Variants in CD9 observed in about 807,000 individuals in gnomAD.
The protein encoded by CD9 is CD9 molecule.
A neutral mutation model predicts 31.4 loss-of-function variants in CD9; 10 were observed. The ratio of observed to expected loss-of-function variants is 0.32; its 90% CI spans 0.20 to 0.54. The LOEUF (loss-of-function observed/expected upper bound fraction) is 0.54, where lower values mean the gene tolerates loss of function less well. Among genes scored for constraint, CD9 ranks in the 20% least tolerant of loss-of-function variants. The pLI, the probability that CD9 is intolerant of heterozygous loss-of-function variation, is 0.94. For missense variants in CD9, 259 were observed against 300.1 expected, an observed-to-expected ratio of 0.86 and a Z score of 1.01; for synonymous variants, 113 against 114.1, an observed-to-expected ratio of 0.99 and a Z score of 0.06.
chr12:6,237,187 C>T (rs1379882604), intron 7 of CD9, among the ~76,000 whole-genome samples: 1 of 152,136 alleles, frequency 6.6e-6, no homozygotes, highest in Admixed American at 6.5e-5. Flanking sequence ...GTTGGTCAGG[C>T]TGGTCTCGAA....
In CD9 at chr12:6,235,548, G is replaced by A. The variant is rs761000637; in HGVS notation, c.520G>A (p.Glu174Lys). 12 of 1,612,792 alleles carry A rather than the reference G, an allele frequency of 7.4e-6. No individual in the cohort carries two copies. Among genetic ancestry groups the A allele is most frequent in the East Asian group, 2.2e-5 (1 of 44,852 alleles). ...SDICPKKDVL[E>K]TFTVKSCPDA... ...CATCTGCCCCAAGAAGGACGTACTC[G>A]AAACCTTCACCGTGAAGGTAAACTC... Residue 174 changes from glutamate to lysine, a missense_variant, in exon 6 of 8, where the codon GAA becomes AAA. By Grantham distance (56) the Glu-to-Lys change is moderately conservative. Coordinates refer to ENST00000009180, the MANE Select transcript of CD9 (RefSeq NM_001769.4).
In CD9 at chr12:6,235,235, A is replaced by G; in HGVS notation, c.355A>G (p.Lys119Glu). ...WGYSHKDEVI[K>E]EVQEFYKDTY... Reference sequence around the variant, plus strand: ...TCTCGTCTGCCCATTGTAGGTGATTAAGGAAGTCCAGGAGTTTTACAAGGA... The same window carrying G: ...TCTCGTCTGCCCATTGTAGGTGATTGAGGAAGTCCAGGAGTTTTACAAGGA... The change falls in exon 5 of 8, where the codon AAG becomes GAG. Residue 119 changes from lysine (K) to glutamate (E), a missense_variant. By Grantham distance (56) the Lys-to-Glu change is moderately conservative. Transcript: ENST00000009180. 6.2e-7 allele frequency: 1 copy of G among 1,603,864 alleles called. No individual in the cohort carries two copies. The highest frequency in any genetic ancestry group is 8.5e-7 in the Non-Finnish European group (1 of 1,171,154).
At chr12:6,215,433 C>T (rs1175084564) in intron 1 of CD9, among the ~76,000 whole-genome samples, 1 of 152,142 alleles carries the variant, frequency 6.6e-6, no homozygotes, top group East Asian at 1.9e-4. Flanking sequence ...CCGGCCCAGT[C>T]CCACTCCAGT....
intron 2 of CD9, among the ~76,000 whole-genome samples, chr12:6,227,042 C>T (rs1033022672): frequency 1.3e-5 from 2 of 152,208 alleles, no homozygotes; most frequent in African/African-American, 2.4e-5. Flanking sequence ...AGACTCAGTC[C>T]TCCCTTGTCC....
chr12:6,202,424 T>A (rs967614533), intron 1 of CD9, among the ~76,000 whole-genome samples: 2 of 152,176 alleles, frequency 1.3e-5, no homozygotes, highest in African/African-American at 4.8e-5. Context: ...CCCTTGAACT[T>A]TGGGAGTTTT....
chr12:6,216,731 T>C (rs1403453167), intron 1 of CD9, among the ~76,000 whole-genome samples: 1 of 152,064 alleles, frequency 6.6e-6, no homozygotes, highest in Non-Finnish European at 1.5e-5. Flanking sequence ...TACCCAGCGC[T>C]CACACAGACT....
In CD9 at chr12:6,233,422, TC is replaced by T; in HGVS notation, c.286del (p.Leu96SerfsTer3). ...SQCMLGLFFG[F>X]LLVIFAIEIA... ...CTCGTTGCCTTCCAGTTCTTCGGCT[TC>T]CTCTTGGTGATATTCGCCATTGAAA... is the stretch of plus-strand genomic sequence containing the variant. On this transcript the variant is annotated frameshift_variant, in exon 4 of 8. Transcript: ENST00000009180. LOFTEE classifies it high-confidence loss of function. The T allele has an allele frequency of 1.2e-6, 2 of 1,614,034 alleles. No individual in the cohort carries two copies. Among genetic ancestry groups the T allele is most frequent in the Non-Finnish European group, 8.5e-7 (1 of 1,179,878 alleles).
intron 1 of CD9, among the ~76,000 whole-genome samples, chr12:6,212,402 C>T (rs1425795221): frequency 6.6e-6 from 1 of 152,218 alleles, no homozygotes; most frequent in Non-Finnish European, 1.5e-5. Context: ...CATTGCATTA[C>T]TGTTGCTCCC....
chr12:6,224,087 A>G (rs1946329964), intron 1 of CD9, among the ~76,000 whole-genome samples: 1 of 152,178 alleles, frequency 6.6e-6, no homozygotes, highest in Admixed American at 6.5e-5. Context: ...GCTGAGTGAC[A>G]GTCCACAGGC....
At chr12:6,222,366 T>C (rs1362455831) in intron 1 of CD9, among the ~76,000 whole-genome samples, 1 of 152,256 alleles carries the variant, frequency 6.6e-6, no homozygotes. Context: ...TTCTCTGGGT[T>C]ACTTGAACCT....
At chr12:6,218,359 A>G (rs963184307) in intron 1 of CD9, among the ~76,000 whole-genome samples, 3 of 152,244 alleles carry the variant, frequency 2.0e-5, no homozygotes, top group Admixed American at 1.3e-4. Flanking sequence ...GATTTGTCCC[A>G]TAGGCAAACT....
In CD9 at chr12:6,237,991, T is replaced by C; in HGVS notation, c.*163T>C. On this transcript the variant is annotated 3_prime_UTR_variant, in exon 8 of 8. Coordinates refer to ENST00000009180, the MANE Select transcript of CD9 (RefSeq NM_001769.4). ...AAAAGCTGAAGTTACTTTATGTTTG[T>C]CTTTTAATGCTTCATTCAATATTGA... 1.8e-6 allele frequency: 1 copy of C among 557,760 alleles called. No individual in the cohort carries two copies. The allele number at this position is 557,760 out of a possible 1,614,324, so 34.6% of individuals were successfully genotyped here.
At chr12:6,233,229 G>C in intron 3 of CD9, 183 bp from the exon 4 acceptor site, 1 of 640,894 alleles carries the variant, frequency 1.6e-6, no homozygotes, top group Non-Finnish European at 2.8e-6. Context: ...TGTGGCCTCT[G>C]TCCTGGGCTT....
intron 1 of CD9, among the ~76,000 whole-genome samples, chr12:6,220,750 CTACAGAAAAG>C (rs1488382486): frequency 6.6e-6 from 1 of 152,192 alleles, no homozygotes; most frequent in Non-Finnish European, 1.5e-5. Flanking sequence ...AATTTTAGAT[CTACAGAAAAG>C]TTGCAGAGAT....
intron 1 of CD9, among the ~76,000 whole-genome samples, chr12:6,205,225 G>A (rs115392137): frequency 6.6e-5 from 10 of 152,242 alleles, no homozygotes; most frequent in African/African-American, 2.4e-4. Flanking sequence ...CTGAGGCCAG[G>A]TATCTGCTTC....
chr12:6,220,266 C>T (rs1946280511), intron 1 of CD9, among the ~76,000 whole-genome samples: 1 of 152,194 alleles, frequency 6.6e-6, no homozygotes, highest in Non-Finnish European at 1.5e-5. Context: ...CTAGCAGAGG[C>T]ACAATGCACG....
chr12:6,232,396 TAGG>T lies in CD9; in HGVS notation c.176-233_176-231del, dbSNP rs1269206573. The T allele has an allele frequency of 3.4e-6, 2 of 588,658 alleles. No individual in the cohort carries two copies. The highest frequency in any genetic ancestry group is 3.7e-5 in the African/African-American group (2 of 53,548). 36.5% of individuals were successfully genotyped at this position (588,658 alleles called of 1,614,324 possible). A position where few individuals can be genotyped will look rare whatever the true frequency, so the allele number is the denominator to read the frequency against. On this transcript the variant is annotated intron_variant, in intron 2 of 7. Coordinates refer to ENST00000009180, the MANE Select transcript of CD9 (RefSeq NM_001769.4). The surrounding 1 kb of genome is among the most constrained non-coding windows in gnomAD (Gnocchi z 4.8). ...CCTTCCAGAAGGGCTGAGGGTAAGGTAGGAGCGTGAGCTTGATGAAGCAGAGTC... is the reference window on the plus strand; with the variant it reads ...CCTTCCAGAAGGGCTGAGGGTAAGGTAGCGTGAGCTTGATGAAGCAGAGTC...
intron 1 of CD9, among the ~76,000 whole-genome samples, chr12:6,220,430 G>A (rs1216131908): frequency 6.6e-6 from 1 of 152,186 alleles, no homozygotes; most frequent in Non-Finnish European, 1.5e-5. Context: ...GAGAGATGCA[G>A]TGACGAGCCA....
At chr12:6,236,310 G>A (rs368915261) in intron 7 of CD9, 35 bp downstream of exon 7, 120 of 1,583,574 alleles carry the variant, frequency 7.6e-5, no homozygotes, top group South Asian at 2.2e-5. Flanking sequence ...GAGGGGGACT[G>A]AGGAGTTCAC....
Sources: gnomAD v4.1 joint callset for allele counts (sites outside exome capture counted in the v4.1 genomes callset) on GRCh38, gnomAD v4.1.1 for gene constraint, Gnocchi (gnomAD v3.1) non-coding constraint, MANE v1.5 for transcripts, NCBI Gene and HGNC (gene_info 2026-07-23, HGNC 2026-07-21) for gene names.